CDKAL1: variants seen among roughly 807,000 people sequenced by gnomAD.
The protein encoded by CDKAL1 is threonylcarbamoyladenosine tRNA methylthiotransferase.
Under a neutral mutation model 68.2 loss-of-function variants are expected in CDKAL1, and 32 were observed. That is an observed-to-expected ratio of 0.47 (90% CI 0.35 to 0.63). The LOEUF is 0.63. CDKAL1 is among the 30% of genes least tolerant of loss of function. The probability of loss-of-function intolerance (pLI) is 0.00; values close to 1 mark genes in which losing one functional copy is unlikely to be tolerated. For missense variants in CDKAL1, 606 were observed against 696.7 expected (o/e 0.87, Z 1.47); for synonymous variants, 234 against 244.3 (o/e 0.96, Z 0.39).
intron 4 of CDKAL1, among the ~76,000 whole-genome samples, chr6:20,594,023 G>A (rs1236042235): frequency 6.6e-6 from 1 of 152,226 alleles, no homozygotes; most frequent in East Asian, 1.9e-4. Context: ...TAATTTGATT[G>A]CACTGTGGTC....
intron 6 of CDKAL1, among the ~76,000 whole-genome samples, chr6:20,753,811 T>C (rs1457948599): frequency 6.6e-6 from 1 of 152,238 alleles, no homozygotes; most frequent in Non-Finnish European, 1.5e-5. Context: ...TTGACATTAC[T>C]AAATTATATG....
chr6:21,011,097 A>C (rs1473736731), intron 11 of CDKAL1, among the ~76,000 whole-genome samples: 1 of 137,328 alleles, frequency 7.3e-6, no homozygotes, highest in African/African-American at 2.8e-5. Context: ...AAAAAAAAAA[A>C]GCCAGGCACG....
intron 8 of CDKAL1, among the ~76,000 whole-genome samples, chr6:20,842,629 C>T (rs1049609776): frequency 2.6e-5 from 4 of 152,200 alleles, no homozygotes; most frequent in South Asian, 2.1e-4. Context: ...GCTGGGAGTT[C>T]GAGACCAGCC....
In CDKAL1 at chr6:20,981,496, A is replaced by C. The variant is rs372791845; in HGVS notation, c.910-18731A>C. Among the ~76,000 whole-genome samples, 256 of 152,198 alleles carry C rather than the reference A, an allele frequency of 1.7e-3. 7 individuals are homozygous for C. The South Asian group carries it at 0.05, about 30-fold the overall frequency. On this transcript the variant is annotated intron_variant, in intron 10 of 15. Coordinates refer to ENST00000274695, the MANE Select transcript of CDKAL1 (RefSeq NM_017774.3). ...GTGCCCATTAGTGAATTCTGTGGAGAGATGATCCTATGAGGATAGGGCAAT... is the reference window on the plus strand; with the variant it reads ...GTGCCCATTAGTGAATTCTGTGGAGCGATGATCCTATGAGGATAGGGCAAT...
chr6:21,155,474 A>G (rs752193416), intron 13 of CDKAL1, among the ~76,000 whole-genome samples: 12 of 152,202 alleles, frequency 7.9e-5, no homozygotes, highest in Non-Finnish European at 1.6e-4. Flanking sequence ...ATTTGATTTG[A>G]GGAGCGCCTG....
chr6:20,900,342 A>C (rs1315796189), intron 9 of CDKAL1, among the ~76,000 whole-genome samples: 1 of 152,254 alleles, frequency 6.6e-6, no homozygotes, highest in East Asian at 1.9e-4. Context: ...TACCATTTAA[A>C]AGATAGTCTT....
At chr6:20,934,462 T>G (rs533333127) in intron 9 of CDKAL1, among the ~76,000 whole-genome samples, 3 of 152,280 alleles carry the variant, frequency 2.0e-5, no homozygotes, top group East Asian at 3.9e-4. Flanking sequence ...CAGATTATCA[T>G]CATTTGTGGC....
intron 12 of CDKAL1, among the ~76,000 whole-genome samples, chr6:21,078,755 A>G (rs1772216619): frequency 6.6e-6 from 1 of 152,166 alleles, no homozygotes; most frequent in African/African-American, 2.4e-5. Flanking sequence ...TGCACTTAGC[A>G]TTTAAGCCTC....
intron 12 of CDKAL1, among the ~76,000 whole-genome samples, chr6:21,068,285 C>T (rs1771569681): frequency 6.6e-6 from 1 of 152,016 alleles, no homozygotes; most frequent in Non-Finnish European, 1.5e-5. Flanking sequence ...TTTACCTTCT[C>T]CACACCATCA....
At chr6:21,007,939 G>T (rs571444696) in intron 11 of CDKAL1, among the ~76,000 whole-genome samples, 2 of 152,314 alleles carry the variant, frequency 1.3e-5, no homozygotes, top group South Asian at 4.1e-4. Flanking sequence ...CAATAAAGTG[G>T]ATTCAGCAAA....
intron 10 of CDKAL1, among the ~76,000 whole-genome samples, chr6:20,964,848 T>C (rs1266163876): frequency 6.6e-6 from 1 of 152,198 alleles, no homozygotes; most frequent in Admixed American, 6.5e-5. Context: ...TCATCATTTT[T>C]TCCCTCTTGC....
intron 4 of CDKAL1, among the ~76,000 whole-genome samples, chr6:20,561,277 A>AC (rs1334219531): frequency 9.9e-5 from 15 of 151,816 alleles, no homozygotes; most frequent in Non-Finnish European, 2.9e-5. Flanking sequence ...CCCCATCTCT[A>AC]CTAAAAATAA....
At chr6:20,761,003 A>C (rs9295482) in intron 7 of CDKAL1, among the ~76,000 whole-genome samples, 44,489 of 152,090 alleles carry the variant, frequency 0.29, 7,349 homozygotes, top group South Asian at 0.37. Context: ...TTTGCAAAAT[A>C]CACATATGAT....
intron 4 of CDKAL1, among the ~76,000 whole-genome samples, chr6:20,557,859 G>A (rs535915901): frequency 1.3e-5 from 2 of 152,224 alleles, no homozygotes; most frequent in Admixed American, 6.5e-5. Context: ...CCTGGGAGGC[G>A]GAGGTTCCAG....
chr6:20,804,789 G>C (rs946219633), intron 8 of CDKAL1, among the ~76,000 whole-genome samples: 1 of 152,064 alleles, frequency 6.6e-6, no homozygotes, highest in Non-Finnish European at 1.5e-5. Context: ...GTAGTATCTG[G>C]GAGCCTGACT....
chr6:21,210,164 C>T (rs1244514629), intron 15 of CDKAL1, among the ~76,000 whole-genome samples: 2 of 152,182 alleles, frequency 1.3e-5, no homozygotes, highest in African/African-American at 2.4e-5. Context: ...AGCGCTGTGT[C>T]AAGCACTGCT....
chr6:21,209,029 T>C (rs1451488525), intron 15 of CDKAL1, among the ~76,000 whole-genome samples: 2 of 152,204 alleles, frequency 1.3e-5, no homozygotes, highest in African/African-American at 4.8e-5. Flanking sequence ...AGCTGGAGCA[T>C]CGTGAGGGAA....
chr6:20,570,363 A>G (rs1764649832), intron 4 of CDKAL1, among the ~76,000 whole-genome samples: 1 of 151,808 alleles, frequency 6.6e-6, no homozygotes. Flanking sequence ...CGGCCTCCCA[A>G]AGTGCTGGGA....
At chr6:20,926,347 T>A (rs1211538780) in intron 9 of CDKAL1, among the ~76,000 whole-genome samples, 1 of 152,056 alleles carries the variant, frequency 6.6e-6, no homozygotes, top group African/African-American at 2.4e-5. Flanking sequence ...TTTGGGGGCA[T>A]ATAAATATTG....
Sources: gnomAD v4.1 joint callset for allele counts (sites outside exome capture counted in the v4.1 genomes callset) on GRCh38, gnomAD v4.1.1 for gene constraint, MANE v1.5 for transcripts, NCBI Gene and HGNC (gene_info 2026-07-23, HGNC 2026-07-21) for gene names.